The following HECTD3 variants were observed in gnomAD, a reference collection of about 807,000 sequenced individuals.
HECTD3 encodes the protein HECT domain E3 ubiquitin protein ligase 3.
In HECTD3, 72 loss-of-function variants were observed where a neutral mutation model predicts 109.3. The observed-to-expected ratio is 0.66, with a 90% CI of 0.54 to 0.80. The LOEUF is 0.80. HECTD3 is among the 30% of genes least tolerant of loss of function. The pLI is 0.00. For synonymous variants in HECTD3, 481 were observed against 471.8 expected (o/e 1.02, Z -0.25); for missense variants, 1,041 against 1,165.2 (o/e 0.89, Z 1.55).
rs777367548 is a variant in HECTD3, at chr1:45,009,137, A to G, written c.1072+7T>C. 5 of 1,611,448 alleles carry G rather than the reference A, an allele frequency of 3.1e-6. No homozygotes were observed. The African/African-American group carries it at 6.7e-5, about 22-fold the overall frequency. On this transcript the variant is annotated splice_region_variant and intron_variant, in intron 7 of 20. Transcript: ENST00000372172. Reference sequence around the variant, plus strand: ...TCTCTTTCCCTCCTTATAGCCTTAAACCTCACCTCGGCACTCCACGATGCG... The same window carrying G: ...TCTCTTTCCCTCCTTATAGCCTTAAGCCTCACCTCGGCACTCCACGATGCG...
intron 16 of HECTD3, 36 bp downstream of exon 16, chr1:45,004,564 C>A (rs549112161): frequency 1.9e-6 from 3 of 1,611,544 alleles, no homozygotes; most frequent in East Asian, 4.5e-5. Context: ...TCAGGAGGGG[C>A]CAAAGCTCTC....
At position 45,010,136 on chromosome 1, in the gene HECTD3, G is replaced by GCC; in HGVS notation, c.624-17_624-16dup. On this transcript the variant is annotated splice_polypyrimidine_tract_variant and intron_variant, in intron 3 of 20. Coordinates refer to ENST00000372172, the MANE Select transcript of HECTD3 (RefSeq NM_024602.6). ...GGGGTACATAGCTAAGCAACCCCAA[G>GCC]CCCCTAATTAGACTGGGCCCAGACG... 1.2e-6 allele frequency: 2 copies of GCC among 1,613,062 alleles called. No homozygotes were observed. Among genetic ancestry groups the GCC allele is most frequent in the African/African-American group, 1.3e-5 (1 of 74,986 alleles).
At position 45,006,442 on chromosome 1, in the gene HECTD3, ACTACAGG is replaced by A. The variant is rs1306907462; in HGVS notation, c.1725+243_1725+249del. On this transcript the variant is annotated intron_variant, in intron 13 of 20. Coordinates refer to ENST00000372172, the MANE Select transcript of HECTD3 (RefSeq NM_024602.6). The surrounding 1 kb of genome is among the most constrained non-coding windows in gnomAD (Gnocchi z 4.7). The stretch of plus-strand genomic sequence containing the variant: ...TGCTTCAGCCTCCCATGTAGCTGGG[ACTACAGG>A]CGCGTGCCACCACGCCCGGCTAATT... Among the ~76,000 whole-genome samples, 1 of 151,792 alleles carries A rather than the reference ACTACAGG, an allele frequency of 6.6e-6. No individual in the cohort carries two copies. Among genetic ancestry groups the A allele is most frequent in the Non-Finnish European group, 1.5e-5 (1 of 67,974 alleles).
At position 45,003,004 on chromosome 1, in the gene HECTD3, T is replaced by TGTA; in HGVS notation, c.*487_*488insTAC. The TGTA allele has an allele frequency of 6.0e-6, 1 of 165,482 alleles. No individual in the cohort carries two copies. The highest frequency in any genetic ancestry group is 5.5e-5 in the Admixed American group (1 of 18,026). 10.3% of individuals were successfully genotyped at this position (165,482 alleles called of 1,614,324 possible). On this transcript the variant is annotated 3_prime_UTR_variant, in exon 21 of 21. Coordinates refer to ENST00000372172, the MANE Select transcript of HECTD3 (RefSeq NM_024602.6). The surrounding 1 kb of genome is among the most constrained non-coding windows in gnomAD (Gnocchi z 4.7). Reference sequence around the variant, plus strand: ...GCTACTGCTTCCTTCTTGGAGCAGGTGACCAAGGAGTTTGGCTATCACTCC... The same window carrying TGTA: ...GCTACTGCTTCCTTCTTGGAGCAGGTGTAGACCAAGGAGTTTGGCTATCACTCC...
chr1:45,009,565 T>G lies in HECTD3; in HGVS notation c.875+3A>C, dbSNP rs762629171. 1 of 1,612,540 alleles carries G rather than the reference T, an allele frequency of 6.2e-7. No homozygotes were observed. Among genetic ancestry groups the G allele is most frequent in the East Asian group, 2.2e-5 (1 of 44,866 alleles). ...CACCCTGTCCTGCCCAGAGCCTACTTACTTGACAATGGTGCCCTTCTTCAT... is the reference window on the plus strand; with the variant it reads ...CACCCTGTCCTGCCCAGAGCCTACTGACTTGACAATGGTGCCCTTCTTCAT... On this transcript the variant is annotated splice_donor_region_variant and intron_variant, in intron 5 of 20. Transcript: ENST00000372172.
intron 8 of HECTD3, 78 bp downstream of exon 8, chr1:45,008,458 G>A: frequency 6.5e-7 from 1 of 1,538,938 alleles, no homozygotes; most frequent in Non-Finnish European, 9.0e-7. Context: ...ATGAGACCTT[G>A]GGAACCTCCT....
rs1367198533 is a variant in HECTD3, at chr1:45,002,602, T to C, written c.*890A>G. On this transcript the variant is annotated 3_prime_UTR_variant, in exon 21 of 21. Transcript: ENST00000372172. ...TATGCAAGAACTTCTTTTCATGGAG[T>C]GTCACGGAGGCCCTGAGGGAGGAAC... 6 of 152,174 alleles carry C rather than the reference T, an allele frequency of 3.9e-5. No homozygotes were observed. Among genetic ancestry groups the C allele is most frequent in the Non-Finnish European group, 5.9e-5 (4 of 68,104 alleles). 9.4% of individuals were successfully genotyped at this position (152,174 alleles called of 1,614,324 possible). A position where few individuals can be genotyped will look rare whatever the true frequency, so the allele number is the denominator to read the frequency against.
chr1:45,006,035 G>A lies in HECTD3; in HGVS notation c.1807C>T (p.Gln603Ter). 3 of 1,614,176 alleles carry A rather than the reference G, an allele frequency of 1.9e-6. No homozygotes were observed. Among genetic ancestry groups the A allele is most frequent in the Non-Finnish European group, 2.5e-6 (3 of 1,180,030 alleles). The change falls in exon 14 of 21, where the codon CAG becomes TAG. Residue 603 changes from glutamine (Q) to a stop codon, truncating the protein, a stop_gained. Transcript: ENST00000372172. LOFTEE classifies it high-confidence loss of function. The surrounding 1 kb of genome is among the most constrained non-coding windows in gnomAD (Gnocchi z 4.7). Reference protein sequence around the residue: ...RDFAKYEWIGQLMGAALRGKE... With the variant: ...RDFAKYEWIG ...CCCCGAAGGGCAGCCCCCATCAGCTGTCCGATCCATTCATACTTGGCAAAG... is the reference window on the plus strand; with the variant it reads ...CCCCGAAGGGCAGCCCCCATCAGCTATCCGATCCATTCATACTTGGCAAAG...
Position 45,007,484 on chromosome 1 carries a change from G to C in HECTD3, c.1432C>G (p.Arg478Gly). ...GCACGGTGTTCCATGGCAAGACGGC[G>C]GTTGATGTATAGGCGTGGCATGAAG... ...PSFMPRLYIN[R>G]RLAMEHRACP... Residue 478 changes from arginine to glycine, a missense_variant, in exon 10 of 21, where the codon CGC becomes GGC. Physicochemically the swap from Arg to Gly is moderately radical, Grantham distance 125. Transcript: ENST00000372172. 1.2e-6 allele frequency: 2 copies of C among 1,614,138 alleles called. No homozygotes were observed.
rs1644788152 is a variant in HECTD3 at position 45,011,073 on chromosome 1, A to G, written c.185T>C (p.Leu62Pro). The G allele has an allele frequency of 2.1e-6, 3 of 1,457,986 alleles. No homozygotes were observed. The highest frequency in any genetic ancestry group is 2.7e-6 in the Non-Finnish European group (3 of 1,108,380). The allele number at this position is 1,457,986 out of a possible 1,614,324, so 90.3% of individuals were successfully genotyped here. A position where few individuals can be genotyped will look rare whatever the true frequency, so the allele number is the denominator to read the frequency against. Residue 62 changes from leucine (L) to proline (P), a missense_variant, in exon 1 of 21, where the codon CTT becomes CCT. Transcript: ENST00000372172. ...YKDPAGPSRV[L>P]LPVWEAEGLG... ...GCCCTCTGCCTCCCACACCGGCAGAAGCACGCGCGACGGTCCCGCTGGGTC... is the reference window on the plus strand; with the variant it reads ...GCCCTCTGCCTCCCACACCGGCAGAGGCACGCGCGACGGTCCCGCTGGGTC...
chr1:45,006,686 G>A lies in HECTD3; in HGVS notation c.1725+6C>T, dbSNP rs1416999818. 2 of 1,608,628 alleles carry A rather than the reference G, an allele frequency of 1.2e-6. No individual in the cohort carries two copies. The highest frequency in any genetic ancestry group is 2.2e-5 in the East Asian group (1 of 44,816). Reference sequence around the variant, plus strand: ...GGAGGTTTGCAGAGATGGAAACGGAGATTACCTGGTTGGCTGTGCGTACAA... The same window carrying A: ...GGAGGTTTGCAGAGATGGAAACGGAAATTACCTGGTTGGCTGTGCGTACAA... On this transcript the variant is annotated splice_donor_region_variant and intron_variant, in intron 13 of 20. Transcript: ENST00000372172. The surrounding 1 kb of genome is among the most constrained non-coding windows in gnomAD (Gnocchi z 4.7).
rs747456236 is a variant in HECTD3 at position 45,007,004 on chromosome 1, C to T, written c.1568G>A (p.Arg523His). ...EKPLDYRWPM[R>H]YDQWWECKFI... ...TTTACACTCCCACCACTGGTCATAG[C>T]GCATGGGCCACCTGCAAAAAACGTG... Residue 523 changes from arginine to histidine, a missense_variant, in exon 12 of 21, where the codon CGC becomes CAC. Physicochemically the swap from Arg to His is conservative, Grantham distance 29. Coordinates refer to ENST00000372172, the MANE Select transcript of HECTD3 (RefSeq NM_024602.6). 15 of 1,613,956 alleles carry T rather than the reference C, an allele frequency of 9.3e-6. No individual in the cohort carries two copies. The highest frequency in any genetic ancestry group is 1.7e-5 in the Admixed American group (1 of 59,996).
chr1:45,010,259 G>C lies in HECTD3; in HGVS notation c.565C>G (p.Arg189Gly), dbSNP rs774180068. ...GCCGGCTGAGGTCTCGATCCCAGGCGATGTGAGTATGTCAGGTCCACCACC... is the reference window on the plus strand; with the variant it reads ...GCCGGCTGAGGTCTCGATCCCAGGCCATGTGAGTATGTCAGGTCCACCACC... ...EQVVDLTYSH[R>G]LGSRPQPAEA... The change falls in exon 3 of 21, where the codon CGC (arginine) becomes GGC (glycine). Residue 189 changes from arginine to glycine, a missense_variant. Around this residue, in one of 2 missense-constraint regions of HECTD3, gnomAD observed 472 missense variants for 449.9 expected, o/e 1.05. Transcript: ENST00000372172. The C allele has an allele frequency of 1.9e-6, 3 of 1,614,002 alleles. No individual in the cohort carries two copies. Among genetic ancestry groups the C allele is most frequent in the South Asian group, 1.1e-5 (1 of 91,068 alleles).
At position 45,006,754 on chromosome 1, in the gene HECTD3, G is replaced by A. The variant is rs1644739597; in HGVS notation, c.1663C>T (p.Leu555=). ...GGGGTATCCGCTGAGCTAGGGCACA[G>A]CTCTTCTGACATATCTGCCAGGCTG... is the stretch of plus-strand genomic sequence containing the variant. ...RDSLADMSEE[L]CPSSADTPVP... is the part of the protein sequence containing the mutation. The change falls in exon 13 of 21, where the codon CTG becomes TTG. Residue 555 remains leucine (L), a synonymous_variant. Coordinates refer to ENST00000372172, the MANE Select transcript of HECTD3 (RefSeq NM_024602.6). The surrounding 1 kb of genome is among the most constrained non-coding windows in gnomAD (Gnocchi z 4.7). 1 of 1,613,750 alleles carries A rather than the reference G, an allele frequency of 6.2e-7. No homozygotes were observed. The highest frequency in any genetic ancestry group is 1.3e-5 in the African/African-American group (1 of 74,920).
rs761206167 is a variant in HECTD3, at chr1:45,009,520, C to T, written c.876-38G>A. The T allele has an allele frequency of 3.8e-5, 61 of 1,605,584 alleles. No homozygotes were observed. In the South Asian group the frequency reaches 6.1e-4, roughly 16 times the overall value. On this transcript the variant is annotated intron_variant, in intron 5 of 20. Transcript: ENST00000372172. ...AGTGTGAATATGAGTCTTTGTGAAC[C>T]CACAGGGACATAGCCCACCCACCCT...
Position 45,006,075 on chromosome 1 carries a change from G to C in HECTD3, c.1767C>G (p.Asn589Lys). ...ACTTGGCAAAGTCTCGGCAGGAGGG[G>C]TTGGGTACATACATGTCCCGAGCCT... ...TGEARDMYVP[N>K]PSCRDFAKYE... is the part of the protein sequence containing the mutation. The change falls in exon 14 of 21, where the codon AAC becomes AAG. Residue 589 changes from asparagine (N) to lysine (K), a missense_variant. Physicochemically the swap from Asn to Lys is moderately conservative, Grantham distance 94. This residue lies in a region of HECTD3 where 569 missense variants were observed against 715.3 expected (regional missense o/e 0.80). Coordinates refer to ENST00000372172, the MANE Select transcript of HECTD3 (RefSeq NM_024602.6). The surrounding 1 kb of genome is among the most constrained non-coding windows in gnomAD (Gnocchi z 4.7). 6.2e-7 allele frequency: 1 copy of C among 1,614,152 alleles called. No individual in the cohort carries two copies.
In HECTD3 at chr1:45,011,203, G is replaced by A; in HGVS notation, c.55C>T (p.Arg19Cys). The A allele has an allele frequency of 1.4e-6, 2 of 1,445,402 alleles. No individual in the cohort carries two copies. The highest frequency in any genetic ancestry group is 2.2e-4 in the Middle Eastern group (1 of 4,462). 89.5% of individuals were successfully genotyped at this position (1,445,402 alleles called of 1,614,324 possible). ...VLESPRQLLGRVRFLAEAARS... is the reference protein window; with the variant it reads ...VLESPRQLLGCVRFLAEAARS... ...GCTGCCTCTGCCAAGAAGCGCACGC[G>A]GCCCAGCAGCTGCCGGGGGGACTCC... is the stretch of plus-strand genomic sequence containing the variant. The change falls in exon 1 of 21, where the codon CGC becomes TGC. Residue 19 changes from arginine (R) to cysteine (C), a missense_variant. Arg to Cys is a radical substitution (Grantham distance 180, BLOSUM62 -3). Around this residue, in one of 2 missense-constraint regions of HECTD3, gnomAD observed 472 missense variants for 449.9 expected, o/e 1.05. Coordinates refer to ENST00000372172, the MANE Select transcript of HECTD3 (RefSeq NM_024602.6).
At chr1:45,010,850 A>T in intron 1 of HECTD3, 39 bp downstream of exon 1, 2 of 1,507,484 alleles carry the variant, frequency 1.3e-6, no homozygotes, top group Non-Finnish European at 1.8e-6. Context: ...CTCTGGCCCC[A>T]GGGGTCTTTT....
chr1:45,008,540 G>A lies in HECTD3; in HGVS notation c.1234C>T (p.Gln412Ter). The A allele has an allele frequency of 1.9e-6, 3 of 1,612,844 alleles. No individual in the cohort carries two copies. The highest frequency in any genetic ancestry group is 2.5e-6 in the Non-Finnish European group (3 of 1,179,012). ...TAGGTCCAGGACCACAGCCACCTCT[G>A]CAGGAGGACAGCTCTGCGGTACAGT... ...EVLYRRAVLL[Q>*]RFIKILDSVL... is the part of the protein sequence containing the mutation. The change falls in exon 8 of 21, where the codon CAG becomes TAG. Residue 412 changes from glutamine (Q) to a stop codon, truncating the protein, a stop_gained. Coordinates refer to ENST00000372172, the MANE Select transcript of HECTD3 (RefSeq NM_024602.6). LOFTEE classifies it high-confidence loss of function.
Sources: allele counts gnomAD v4.1 joint callset (sites outside exome capture counted in the v4.1 genomes callset), GRCh38; gene constraint gnomAD v4.1.1; regional missense constraint gnomAD v4.1.1; non-coding constraint Gnocchi (gnomAD v3.1); transcripts MANE v1.5; gene names NCBI Gene and HGNC (gene_info 2026-07-23, HGNC 2026-07-21).